Variants in PTPRE observed in about 807,000 individuals in gnomAD.
PTPRE encodes the protein protein tyrosine phosphatase receptor type E.
In PTPRE, 51 loss-of-function variants were observed where a neutral mutation model predicts 102.0. That is an observed-to-expected ratio of 0.50 (90% confidence interval 0.40 to 0.63). PTPRE has a LOEUF of 0.63. Ranked by LOEUF, PTPRE falls within the 30% of genes least tolerant of loss-of-function variation. The probability of loss-of-function intolerance (pLI) is 0.00; values close to 1 mark genes in which losing one functional copy is unlikely to be tolerated. For synonymous variants in PTPRE, 345 were observed against 348.2 expected (o/e 0.99, Z 0.10); for missense variants, 752 against 915.1 (o/e 0.82, Z 2.30).
chr10:128,010,624 C>G (rs1205887690), intron 2 of PTPRE, among the ~76,000 whole-genome samples: 1 of 132,216 alleles, frequency 7.6e-6, no homozygotes, highest in Non-Finnish European at 1.7e-5. Context: ...GCTCTGTCGC[C>G]CAGGCTGGAG....
At chr10:127,933,659 A>G (rs779080937) in intron 1 of PTPRE, among the ~76,000 whole-genome samples, 48 of 152,320 alleles carry the variant, frequency 3.2e-4, no homozygotes, top group Non-Finnish European at 4.9e-4. Flanking sequence ...TTACAATATC[A>G]AGAATGTATC....
chr10:128,042,149 C>T (rs1847748111), intron 3 of PTPRE, among the ~76,000 whole-genome samples: 2 of 152,174 alleles, frequency 1.3e-5, no homozygotes, highest in African/African-American at 4.8e-5. Context: ...AGAGTTATTT[C>T]AACCCACAAT....
intron 20 of PTPRE, among the ~76,000 whole-genome samples, chr10:128,080,977 G>T (rs1851662243): frequency 1.3e-5 from 2 of 152,146 alleles, no homozygotes; most frequent in African/African-American, 2.4e-5. Context: ...GCCTGCTTCT[G>T]TTCACAAGGA....
intron 2 of PTPRE, among the ~76,000 whole-genome samples, chr10:128,004,263 T>C (rs1291251078): frequency 1.3e-5 from 2 of 151,630 alleles, no homozygotes; most frequent in African/African-American, 4.8e-5. Flanking sequence ...ATGTTGGTCC[T>C]GGGGTGATTT....
chr10:127,982,532 A>T (rs1355458753), intron 2 of PTPRE, among the ~76,000 whole-genome samples: 1 of 133,356 alleles, frequency 7.5e-6, no homozygotes, highest in South Asian at 2.4e-4. Context: ...GTGTGTGTGA[A>T]ATTTGGCTCA....
intron 18 of PTPRE, 140 bp downstream of exon 18, chr10:128,076,868 A>ACTGTCTCTGAAACCC: frequency 8.2e-7 from 1 of 1,226,402 alleles, no homozygotes; most frequent in Non-Finnish European, 1.1e-6. Flanking sequence ...ATGAATGGCC[A>ACTGTCTCTGAAACCC]ATGGGTTTCA....
At chr10:127,987,948 G>A (rs544353480) in intron 2 of PTPRE, among the ~76,000 whole-genome samples, 101 of 152,376 alleles carry the variant, frequency 6.6e-4, no homozygotes, top group African/African-American at 2.4e-3. Flanking sequence ...GCCAGGGCCG[G>A]CACTCTGTGT....
chr10:127,915,228 G>A (rs1486771807), intron 1 of PTPRE, among the ~76,000 whole-genome samples: 1 of 152,178 alleles, frequency 6.6e-6, no homozygotes, highest in African/African-American at 2.4e-5. Flanking sequence ...AGAAACTTCT[G>A]TTTCCAGCCA....
chr10:127,993,171 G>A (rs1852862012), intron 2 of PTPRE, among the ~76,000 whole-genome samples: 1 of 152,184 alleles, frequency 6.6e-6, no homozygotes, highest in South Asian at 2.1e-4. Context: ...CAGCAACCCA[G>A]GGGCTCCTCT....
chr10:128,036,715 T>A (rs1453096081), intron 2 of PTPRE, among the ~76,000 whole-genome samples: 2 of 152,172 alleles, frequency 1.3e-5, no homozygotes, highest in Non-Finnish European at 2.9e-5. Context: ...TTTGAAATCC[T>A]TCTAAACTCC....
chr10:128,038,080 C>T lies in PTPRE; in HGVS notation c.-7-2795C>T, dbSNP rs189454952. Among the ~76,000 whole-genome samples, 1,454 of 151,296 alleles carry T rather than the reference C, an allele frequency of 9.6e-3. 12 individuals carry two copies. The highest frequency in any genetic ancestry group is 0.015 in the Non-Finnish European group (1,036 of 67,952). On this transcript the variant is annotated intron_variant, in intron 2 of 20. Coordinates refer to ENST00000254667, the MANE Select transcript of PTPRE (RefSeq NM_006504.6). ...CCTCTCAAAATACTGGGATTACAGG[C>T]ATGAGCCACCGCGTCTGGCCCAGCA...
intron 19 of PTPRE, among the ~76,000 whole-genome samples, chr10:128,078,004 A>C (rs1451266266): frequency 6.6e-6 from 1 of 152,192 alleles, no homozygotes. Flanking sequence ...CTTAACATAA[A>C]TGCAGAATGC....
intron 1 of PTPRE, among the ~76,000 whole-genome samples, chr10:127,909,337 A>G (rs1845707771): frequency 6.6e-6 from 1 of 152,178 alleles, no homozygotes; most frequent in Non-Finnish European, 1.5e-5. Flanking sequence ...TAGATGCATC[A>G]GTTTCAACTG....
intron 2 of PTPRE, among the ~76,000 whole-genome samples, chr10:128,004,205 C>G (rs1854278404): frequency 6.6e-6 from 1 of 151,134 alleles, no homozygotes; most frequent in African/African-American, 2.4e-5. Flanking sequence ...CCATGGGGAT[C>G]TTGGATGCCA....
At position 128,067,390 on chromosome 10, in the gene PTPRE, GCA is replaced by G. The variant is rs150997231; in HGVS notation, c.844-724_844-723del. 2.2e-4 allele frequency among the ~76,000 whole-genome samples: 14 copies of G among 64,886 alleles called. 1 individual carries two copies. The highest frequency in any genetic ancestry group is 2.8e-4 in the African/African-American group (5 of 17,946). 42.6% of individuals were successfully genotyped at this position (64,886 alleles called of 152,430 possible). A position where few individuals can be genotyped will look rare whatever the true frequency, so the allele number is the denominator to read the frequency against. On this transcript the variant is annotated intron_variant, in intron 11 of 20. Coordinates refer to ENST00000254667, the MANE Select transcript of PTPRE (RefSeq NM_006504.6). ...CACACATGCACACATTCACACATGT[GCA>G]CACACACATACACGCACATGGGTGC...
chr10:128,076,126 GA>G lies in PTPRE; in HGVS notation c.1600-473del, dbSNP rs767900966. Among the ~76,000 whole-genome samples the G allele has an allele frequency of 2.8e-4, 42 of 152,210 alleles. 1 individual carries two copies. The highest frequency in any genetic ancestry group is 5.2e-4 in the Admixed American group (8 of 15,276). ...TAGTAATCCTTGTGTACCTCAAAGT[GA>G]AAAGATATTTCTTCTTCCAAGAGTT... On this transcript the variant is annotated intron_variant, in intron 17 of 20. Transcript: ENST00000254667.
chr10:128,002,947 G>T (rs1342476872), intron 2 of PTPRE, among the ~76,000 whole-genome samples: 1 of 152,072 alleles, frequency 6.6e-6, no homozygotes, highest in Non-Finnish European at 1.5e-5. Context: ...CCCTGCCTTG[G>T]CTTCCCAAGA....
intron 6 of PTPRE, among the ~76,000 whole-genome samples, chr10:128,051,053 G>T (rs941118582): frequency 6.6e-6 from 1 of 152,194 alleles, no homozygotes; most frequent in Non-Finnish European, 1.5e-5. Flanking sequence ...GCACTATTGT[G>T]TTGCAATCTC....
chr10:128,048,555 C>T (rs1435930567), intron 5 of PTPRE, among the ~76,000 whole-genome samples: 1 of 152,158 alleles, frequency 6.6e-6, no homozygotes, highest in Non-Finnish European at 1.5e-5. Flanking sequence ...AAGAATATCA[C>T]CAACAAGGAC....
Sources: gnomAD v4.1 joint callset for allele counts (sites outside exome capture counted in the v4.1 genomes callset) on GRCh38, gnomAD v4.1.1 for gene constraint, MANE v1.5 for transcripts, NCBI Gene and HGNC (gene_info 2026-07-23, HGNC 2026-07-21) for gene names.